The following APPBP2 variants were observed in gnomAD, a reference collection of about 807,000 sequenced individuals.
The protein encoded by APPBP2 is amyloid beta precursor protein binding protein 2.
APPBP2 carries 15 observed loss-of-function variants against 76.0 expected under a neutral mutation model. That is an observed-to-expected ratio of 0.20 (90% confidence interval 0.13 to 0.30). APPBP2 has a LOEUF of 0.30. Among genes scored for constraint, APPBP2 ranks in the 10% least tolerant of loss-of-function variants. The pLI, the probability that APPBP2 is intolerant of heterozygous loss-of-function variation, is 1.00. For missense variants in APPBP2, 401 were observed against 687.2 expected, an observed-to-expected ratio of 0.58 and a Z score of 4.66; for synonymous variants, 222 against 242.2, an observed-to-expected ratio of 0.92 and a Z score of 0.77.
At chr17:60,469,917 G>T (rs1332872143) in intron 4 of APPBP2, among the ~76,000 whole-genome samples, 1 of 152,136 alleles carries the variant, frequency 6.6e-6, no homozygotes, top group Non-Finnish European at 1.5e-5. Context: ...GAGTCATACA[G>T]TAATTCTATG....
chr17:60,471,423 C>T (rs1260768755), intron 4 of APPBP2, among the ~76,000 whole-genome samples: 1 of 152,058 alleles, frequency 6.6e-6, no homozygotes, highest in Non-Finnish European at 1.5e-5. Flanking sequence ...TAGTCTTTCA[C>T]TATAGAGTAT....
At chr17:60,478,001 T>A (rs1019372293) in intron 4 of APPBP2, among the ~76,000 whole-genome samples, 21 of 150,424 alleles carry the variant, frequency 1.4e-4, no homozygotes, top group Admixed American at 1.0e-3. Flanking sequence ...AAAATATATT[T>A]AAAAAAAAAC....
intron 4 of APPBP2, among the ~76,000 whole-genome samples, chr17:60,475,648 T>TATACAC (rs777888694): frequency 7.7e-6 from 1 of 129,192 alleles, no homozygotes; most frequent in African/African-American, 3.0e-5. Flanking sequence ...CAACTCTTTA[T>TATACAC]ACACACACAC....
At chr17:60,451,369 T>A (rs1332322002) in intron 12 of APPBP2, among the ~76,000 whole-genome samples, 1 of 152,216 alleles carries the variant, frequency 6.6e-6, no homozygotes, top group Admixed American at 6.5e-5. Context: ...AAAAAGCACC[T>A]TTAGCAAAAT....
chr17:60,518,253 C>T (rs1567943489), intron 1 of APPBP2, among the ~76,000 whole-genome samples: 1 of 151,858 alleles, frequency 6.6e-6, no homozygotes, highest in African/African-American at 2.4e-5. Context: ...TGCCATGTTA[C>T]CCAGGCTAGT....
Position 60,461,852 on chromosome 17 carries a change from TAAG to T in APPBP2, c.891_893del (p.Tyr297_Leu298delinsTer), listed in dbSNP as rs1306403085. On this transcript the variant is annotated stop_gained and inframe_deletion, in exon 8 of 13. Coordinates refer to ENST00000083182, the MANE Select transcript of APPBP2 (RefSeq NM_006380.5). LOFTEE classifies it high-confidence loss of function. ...ACTGACAGATATTATCTACATTGAGTAAGTAGAACCCATAATCTAGCAGTGTAT... is the reference window on the plus strand; with the variant it reads ...ACTGACAGATATTATCTACATTGAGTTAGAACCCATAATCTAGCAGTGTAT... The T allele has an allele frequency of 6.2e-7, 1 of 1,612,646 alleles. No individual in the cohort carries two copies. The highest frequency in any genetic ancestry group is 8.5e-7 in the Non-Finnish European group (1 of 1,179,442).
intron 4 of APPBP2, among the ~76,000 whole-genome samples, chr17:60,478,452 A>C (rs183083050): frequency 6.6e-6 from 1 of 152,224 alleles, no homozygotes; most frequent in Non-Finnish European, 1.5e-5. Context: ...TGTTATGCAC[A>C]ATTATGGAAA....
At chr17:60,485,413 T>A (rs1039154740) in intron 3 of APPBP2, among the ~76,000 whole-genome samples, 1 of 152,220 alleles carries the variant, frequency 6.6e-6, no homozygotes. Flanking sequence ...ATTCAACTTC[T>A]TTCTGGTTTA....
intron 1 of APPBP2, among the ~76,000 whole-genome samples, chr17:60,506,706 T>C (rs1468642371): frequency 6.6e-6 from 1 of 152,188 alleles, no homozygotes; most frequent in Non-Finnish European, 1.5e-5. Flanking sequence ...GCACAGTGCC[T>C]AGTACAAGAT....
intron 9 of APPBP2, among the ~76,000 whole-genome samples, chr17:60,456,746 C>A (rs1372657601): frequency 6.6e-6 from 1 of 152,096 alleles, no homozygotes; most frequent in East Asian, 1.9e-4. Flanking sequence ...ATGTTCTCAC[C>A]CTGGCTTTAC....
chr17:60,458,981 C>T (rs2090454575), intron 9 of APPBP2, among the ~76,000 whole-genome samples: 1 of 151,908 alleles, frequency 6.6e-6, no homozygotes, highest in Non-Finnish European at 1.5e-5. Flanking sequence ...CTGTGTTGGC[C>T]AGGATGGTCT....
At position 60,500,449 on chromosome 17, in the gene APPBP2, T is replaced by C. The variant is rs772173582; in HGVS notation, c.177A>G (p.Glu59=). 1 of 1,611,540 alleles carries C rather than the reference T, an allele frequency of 6.2e-7. No individual in the cohort carries two copies. Among genetic ancestry groups the C allele is most frequent in the Non-Finnish European group, 8.5e-7 (1 of 1,179,064 alleles). Residue 59 remains glutamate, a synonymous_variant, in exon 2 of 13, where the codon GAA becomes GAG. Coordinates refer to ENST00000083182, the MANE Select transcript of APPBP2 (RefSeq NM_006380.5). ...TAGCAAAAACTTCCAATTCACAAAA[T>C]TCACTGCCCAGTTGACATAAGCGTC... ...QQGRLCQLGS[E]FCELEVFAKV...
chr17:60,449,820 C>T (rs1043457330), intron 12 of APPBP2, among the ~76,000 whole-genome samples: 2 of 151,398 alleles, frequency 1.3e-5, no homozygotes, highest in Admixed American at 1.3e-4. Flanking sequence ...TTTTTGGAGA[C>T]GTAGTCTTGC....
At chr17:60,483,910 C>G (rs6503972) in intron 3 of APPBP2, among the ~76,000 whole-genome samples, 28,909 of 151,366 alleles carry the variant, frequency 0.19, 9,313 homozygotes, top group African/African-American at 0.67. Context: ...TTTTGTATAA[C>G]GTGTAAGGAA....
chr17:60,447,949 C>CTTTCAGGGGAATAAA, intron 12 of APPBP2, 115 bp from the exon 13 acceptor site: 1 of 927,878 alleles, frequency 1.1e-6, no homozygotes, highest in Non-Finnish European at 1.6e-6. Flanking sequence ...AGGTTTATTC[C>CTTTCAGGGGAATAAA]CCTGAAAGGA....
At chr17:60,463,923 G>A (rs1200943906) in intron 6 of APPBP2, 98 bp downstream of exon 6, 1 of 829,270 alleles carries the variant, frequency 1.2e-6, no homozygotes, top group African/African-American at 1.7e-5. Flanking sequence ...CCTACGGAGT[G>A]TACAAATAAC....
chr17:60,485,539 A>G (rs7210106), intron 3 of APPBP2, among the ~76,000 whole-genome samples: 31,123 of 152,142 alleles, frequency 0.2, 10,596 homozygotes, highest in African/African-American at 0.71. Context: ...CTGTAGGATC[A>G]GTGGTGATAT....
At chr17:60,454,581 G>A in intron 10 of APPBP2, 89 bp from the exon 11 acceptor site, 4 of 785,300 alleles carry the variant, frequency 5.1e-6, no homozygotes, top group Non-Finnish European at 7.7e-6. Context: ...TAATATAAAT[G>A]TTTACTGAAT....
chr17:60,516,089 G>T (rs943540944), intron 1 of APPBP2, among the ~76,000 whole-genome samples: 3 of 152,046 alleles, frequency 2.0e-5, no homozygotes, highest in Admixed American at 6.6e-5. Context: ...CTTGAACCCA[G>T]AAGGCAGAGG....
Sources: allele counts gnomAD v4.1 joint callset (sites outside exome capture counted in the v4.1 genomes callset), GRCh38; gene constraint gnomAD v4.1.1; transcripts MANE v1.5; gene names NCBI Gene and HGNC (gene_info 2026-07-23, HGNC 2026-07-21).